The following HS3ST4 variants were observed in gnomAD, a reference collection of about 807,000 sequenced individuals.
HS3ST4 encodes the protein heparan sulfate-glucosamine 3-sulfotransferase 4.
HS3ST4 carries 17 observed loss-of-function variants against 29.2 expected under a neutral mutation model. That is an observed-to-expected ratio of 0.58 (90% confidence interval 0.40 to 0.87). The LOEUF (loss-of-function observed/expected upper bound fraction) is 0.87, where lower values mean the gene tolerates loss of function less well. HS3ST4 is among the 40% of genes least tolerant of loss of function. The pLI, the probability that HS3ST4 is intolerant of heterozygous loss-of-function variation, is 0.00. For synonymous variants in HS3ST4, 314 were observed against 285.7 expected (o/e 1.10, Z -1.00); for missense variants, 627 against 634.5 (o/e 0.99, Z 0.13).
At chr16:25,720,373 T>C (rs1299936984) in intron 1 of HS3ST4, among the ~76,000 whole-genome samples, 4 of 152,104 alleles carry the variant, frequency 2.6e-5, no homozygotes, top group Non-Finnish European at 4.4e-5. Flanking sequence ...CCTGGTGGGA[T>C]TGAACAGAAG....
At chr16:25,957,987 G>A (rs917178815) in intron 1 of HS3ST4, among the ~76,000 whole-genome samples, 1 of 152,132 alleles carries the variant, frequency 6.6e-6, no homozygotes, top group Non-Finnish European at 1.5e-5. Context: ...AGGAAGGGTT[G>A]TTTCAGGTGT....
At chr16:26,069,255 A>G (rs1898575483) in intron 1 of HS3ST4, among the ~76,000 whole-genome samples, 1 of 152,232 alleles carries the variant, frequency 6.6e-6, no homozygotes, top group Non-Finnish European at 1.5e-5. Flanking sequence ...CCCAGCCCAC[A>G]TTCCTTAAAA....
rs901636997 is a variant in HS3ST4 at position 25,977,046 on chromosome 16, A to T, written c.735-158566A>T. Reference sequence around the variant, plus strand: ...CTACAGTTTGTGGACCCCTCACCCAATGTCTTTCTTGGGTTGAAATGAGAA... The same window carrying T: ...CTACAGTTTGTGGACCCCTCACCCATTGTCTTTCTTGGGTTGAAATGAGAA... On this transcript the variant is annotated intron_variant, in intron 1 of 1. Coordinates refer to ENST00000331351, the MANE Select transcript of HS3ST4 (RefSeq NM_006040.3). Among the ~76,000 whole-genome samples, 4 of 152,224 alleles carry T rather than the reference A, an allele frequency of 2.6e-5. No individual in the cohort carries two copies. The East Asian group carries it at 7.7e-4, about 29-fold the overall frequency.
In HS3ST4 at chr16:25,974,360, T is replaced by C. The variant is rs1198128090; in HGVS notation, c.735-161252T>C. Among the ~76,000 whole-genome samples, 3 of 152,196 alleles carry C rather than the reference T, an allele frequency of 2.0e-5. No homozygotes were observed. In the East Asian group the frequency reaches 5.8e-4, roughly 29 times the overall value. On this transcript the variant is annotated intron_variant, in intron 1 of 1. Coordinates refer to ENST00000331351, the MANE Select transcript of HS3ST4 (RefSeq NM_006040.3). The stretch of plus-strand genomic sequence containing the variant: ...ACATCTTAGATAGTATTATGGGACA[T>C]GGAGGTGCTAAGCCGCTTAGCCATT...
intron 1 of HS3ST4, among the ~76,000 whole-genome samples, chr16:25,894,346 A>G (rs994616915): frequency 6.6e-6 from 1 of 152,192 alleles, no homozygotes; most frequent in African/African-American, 2.4e-5. Flanking sequence ...AGAAGTCACT[A>G]GTCAATAAAT....
At chr16:25,794,677 T>C (rs1376132191) in intron 1 of HS3ST4, among the ~76,000 whole-genome samples, 1 of 152,086 alleles carries the variant, frequency 6.6e-6, no homozygotes, top group Non-Finnish European at 1.5e-5. Flanking sequence ...GTTTTCTCTG[T>C]TTGTTTCATT....
chr16:25,749,355 C>T lies in HS3ST4; in HGVS notation c.734+56204C>T, dbSNP rs546067743. On this transcript the variant is annotated intron_variant, in intron 1 of 1. Transcript: ENST00000331351. ...CTAAAAATACAAAAAATTAGCTGGG[C>T]GTGGTGACATGCACCTGTAGTTCCA... Among the ~76,000 whole-genome samples the T allele has an allele frequency of 1.2e-4, 19 of 152,018 alleles. No individual in the cohort carries two copies. In the East Asian group the frequency reaches 2.3e-3, roughly 19 times the overall value.
At chr16:25,890,160 A>C (rs1373432480) in intron 1 of HS3ST4, among the ~76,000 whole-genome samples, 1 of 152,192 alleles carries the variant, frequency 6.6e-6, no homozygotes, top group African/African-American at 2.4e-5. Context: ...TATTCCCTCT[A>C]TACTGAGGAA....
chr16:25,983,472 C>T (rs144203791), intron 1 of HS3ST4, among the ~76,000 whole-genome samples: 173 of 152,296 alleles, frequency 1.1e-3, no homozygotes, highest in Non-Finnish European at 2.1e-3. Flanking sequence ...CTGGGATCCT[C>T]CTCTCTCCTG....
chr16:25,920,606 CT>C lies in HS3ST4; in HGVS notation c.735-215005del, dbSNP rs1254229046. Among the ~76,000 whole-genome samples, 721 of 147,648 alleles carry C rather than the reference CT, an allele frequency of 4.9e-3. 11 individuals carry two copies. Among genetic ancestry groups the C allele is most frequent in the African/African-American group, 0.017 (681 of 39,878 alleles). ...CTTCCCCTCACTGCCGCCCCCACCC[CT>C]CTTTTTTTTTTTTGAAACAGGATCT... On this transcript the variant is annotated intron_variant, in intron 1 of 1. Transcript: ENST00000331351.
intron 1 of HS3ST4, among the ~76,000 whole-genome samples, chr16:25,970,672 C>T (rs555473854): frequency 1.3e-5 from 2 of 152,170 alleles, no homozygotes; most frequent in African/African-American, 4.8e-5. Flanking sequence ...CCATGCCTGG[C>T]TAAGTTTTTA....
intron 1 of HS3ST4, among the ~76,000 whole-genome samples, chr16:26,088,858 T>A (rs1898820343): frequency 6.6e-6 from 1 of 152,214 alleles, no homozygotes; most frequent in Non-Finnish European, 1.5e-5. Context: ...GCCTTTCTAT[T>A]TGGAATCTTT....
intron 1 of HS3ST4, among the ~76,000 whole-genome samples, chr16:25,970,400 G>T (rs1596630818): frequency 6.6e-6 from 1 of 152,170 alleles, no homozygotes; most frequent in East Asian, 1.9e-4. Context: ...TGTGGCCTAT[G>T]AATAATCATT....
chr16:26,129,826 C>T (rs555385534), intron 1 of HS3ST4, among the ~76,000 whole-genome samples: 39 of 152,292 alleles, frequency 2.6e-4, no homozygotes, highest in African/African-American at 8.9e-4. Flanking sequence ...AATTTGCACT[C>T]TCAGCCTCAG....
intron 1 of HS3ST4, among the ~76,000 whole-genome samples, chr16:26,087,882 C>T (rs1372978279): frequency 6.6e-6 from 1 of 152,040 alleles, no homozygotes; most frequent in African/African-American, 2.4e-5. Context: ...CCTGACATTT[C>T]CACTCCAAAT....
At chr16:25,828,265 T>TC (rs1491238074) in intron 1 of HS3ST4, among the ~76,000 whole-genome samples, 24 of 85,086 alleles carry the variant, frequency 2.8e-4, no homozygotes, top group African/African-American at 8.7e-4. Flanking sequence ...TCTTTCTTTC[T>TC]TTCTTTCTTT....
At position 25,858,127 on chromosome 16, in the gene HS3ST4, C is replaced by T. The variant is rs149588818; in HGVS notation, c.734+164976C>T. The stretch of plus-strand genomic sequence containing the variant: ...TTCCTTCTTTCTTTTTTGCTAAACT[C>T]TTTCCTTCATGTTCCCTTCCAACTC... On this transcript the variant is annotated intron_variant, in intron 1 of 1. Transcript: ENST00000331351. 5.2e-4 allele frequency among the ~76,000 whole-genome samples: 78 copies of T among 148,970 alleles called. 1 individual carries two copies. In the South Asian group the frequency reaches 0.015, roughly 29 times the overall value.
At chr16:26,009,275 T>A (rs1013699906) in intron 1 of HS3ST4, among the ~76,000 whole-genome samples, 2 of 152,230 alleles carry the variant, frequency 1.3e-5, no homozygotes, top group Admixed American at 6.5e-5. Context: ...TGTTAGAAAT[T>A]TAAGTGTATG....
chr16:25,945,347 G>A (rs1968614745), intron 1 of HS3ST4, among the ~76,000 whole-genome samples: 2 of 152,068 alleles, frequency 1.3e-5, no homozygotes, highest in Admixed American at 1.3e-4. Context: ...CATTTTTCAT[G>A]ATTGCATAAT....
Sources: gnomAD v4.1 joint callset for allele counts (sites outside exome capture counted in the v4.1 genomes callset) on GRCh38, gnomAD v4.1.1 for gene constraint, MANE v1.5 for transcripts, NCBI Gene and HGNC (gene_info 2026-07-23, HGNC 2026-07-21) for gene names.